RFX7: variants seen among roughly 807,000 people sequenced by gnomAD.
RFX7 encodes the protein DNA-binding protein RFX7.
Under a neutral mutation model 111.8 loss-of-function variants are expected in RFX7, and 26 were observed. That is an observed-to-expected ratio of 0.23 (90% CI 0.17 to 0.32). The LOEUF is 0.32. RFX7 is among the 10% of genes least tolerant of loss of function. The pLI is 1.00. For missense variants in RFX7, 1,573 were observed against 1,772.9 expected (o/e 0.89, Z 2.02); for synonymous variants, 624 against 624.4 (o/e 1.00, Z 0.01).
chr15:56,223,250 A>G (rs991750114), intron 2 of RFX7, among the ~76,000 whole-genome samples: 4 of 152,274 alleles, frequency 2.6e-5, no homozygotes, highest in Admixed American at 1.3e-4. Context: ...TGATCCCCAT[A>G]AAGGTTTCTG....
intron 5 of RFX7, among the ~76,000 whole-genome samples, chr15:56,105,868 T>A (rs2041823390): frequency 6.6e-6 from 1 of 151,966 alleles, no homozygotes; most frequent in African/African-American, 2.4e-5. Flanking sequence ...AAGGACAAAT[T>A]AGGAGAGGGG....
Position 56,093,321 on chromosome 15 carries a change from G to A in RFX7, c.*24C>T, listed in dbSNP as rs1233070553. On this transcript the variant is annotated 3_prime_UTR_variant, in exon 10 of 10. Transcript: ENST00000559447. ...CAATACATATGTCTTTAGATACAGT[G>A]TGCTACATGTTATAAAACACAATTT... The A allele has an allele frequency of 6.4e-7, 1 of 1,568,696 alleles. No homozygotes were observed. The highest frequency in any genetic ancestry group is 8.7e-7 in the Non-Finnish European group (1 of 1,155,166).
chr15:56,102,587 T>A (rs997066794), intron 6 of RFX7, among the ~76,000 whole-genome samples: 1 of 152,198 alleles, frequency 6.6e-6, no homozygotes, highest in African/African-American at 2.4e-5. Flanking sequence ...GATGGAAACC[T>A]GGCACAGGGA....
intron 6 of RFX7, 43 bp downstream of exon 6, chr15:56,103,511 G>A: frequency 8.1e-7 from 1 of 1,233,440 alleles, no homozygotes; most frequent in Non-Finnish European, 1.2e-6. Flanking sequence ...TATAACAAGT[G>A]AGAACACAGA....
chr15:56,179,218 C>A (rs768743863), intron 3 of RFX7, 52 bp downstream of exon 3: 2 of 830,768 alleles, frequency 2.4e-6, no homozygotes, highest in African/African-American at 1.8e-5. Flanking sequence ...TATTTTATAT[C>A]GTCATAAAAA....
chr15:56,232,318 C>A (rs2043569039), intron 2 of RFX7, among the ~76,000 whole-genome samples: 1 of 152,156 alleles, frequency 6.6e-6, no homozygotes, highest in African/African-American at 2.4e-5. Flanking sequence ...CCTCTGAAAT[C>A]TACGTAAAGA....
At chr15:56,228,036 T>G (rs1377406280) in intron 2 of RFX7, among the ~76,000 whole-genome samples, 18 of 152,142 alleles carry the variant, frequency 1.2e-4, no homozygotes, top group Non-Finnish European at 2.5e-4. Context: ...TCACTGCACT[T>G]TCTTCTTGCT....
chr15:56,116,401 G>A (rs1388199569), intron 5 of RFX7, among the ~76,000 whole-genome samples: 1 of 152,166 alleles, frequency 6.6e-6, no homozygotes, highest in Non-Finnish European at 1.5e-5. Flanking sequence ...TTGACTGGTT[G>A]CACTACAACA....
chr15:56,234,436 T>C (rs554548276), intron 2 of RFX7, among the ~76,000 whole-genome samples: 3 of 152,348 alleles, frequency 2.0e-5, no homozygotes, highest in African/African-American at 7.2e-5. Context: ...CTGCCTAAAA[T>C]GCTGCTTGCT....
chr15:56,176,317 T>C (rs1161258149), intron 3 of RFX7, among the ~76,000 whole-genome samples: 2 of 152,046 alleles, frequency 1.3e-5, no homozygotes, highest in African/African-American at 4.8e-5. Flanking sequence ...CTATGTGAGC[T>C]CAACAAAGCC....
chr15:56,242,549 A>T (rs2043709848), intron 2 of RFX7, among the ~76,000 whole-genome samples: 1 of 152,232 alleles, frequency 6.6e-6, no homozygotes, highest in Admixed American at 6.5e-5. Context: ...TTTTATACTA[A>T]AAAAGCACTT....
At chr15:56,200,585 G>A (rs775211255) in intron 2 of RFX7, among the ~76,000 whole-genome samples, 1 of 152,108 alleles carries the variant, frequency 6.6e-6, no homozygotes, top group Non-Finnish European at 1.5e-5. Flanking sequence ...CGGATCACGA[G>A]GTCAGGAGAT....
chr15:56,233,250 A>G (rs2043587975), intron 2 of RFX7, among the ~76,000 whole-genome samples: 1 of 152,240 alleles, frequency 6.6e-6, no homozygotes, highest in African/African-American at 2.4e-5. Context: ...TGAAAGGCAC[A>G]TCTTACATGG....
At chr15:56,217,663 A>G (rs372371028) in intron 2 of RFX7, among the ~76,000 whole-genome samples, 14 of 152,208 alleles carry the variant, frequency 9.2e-5, no homozygotes, top group East Asian at 5.8e-4. Flanking sequence ...ATACAACTTG[A>G]GTACTAGTTA....
intron 9 of RFX7, 134 bp from the exon 10 acceptor site, chr15:56,096,754 G>C: frequency 1.6e-5 from 14 of 883,214 alleles, no homozygotes; most frequent in South Asian, 2.1e-5. Flanking sequence ...TTAGAAGAGA[G>C]TTCTTCTAGA....
In RFX7 at chr15:56,161,812, G is replaced by T. The variant is rs961012490; in HGVS notation, c.196-17329C>A. Among the ~76,000 whole-genome samples, 4 of 152,004 alleles carry T rather than the reference G, an allele frequency of 2.6e-5. No homozygotes were observed. The East Asian group carries it at 7.7e-4, about 29-fold the overall frequency. The stretch of plus-strand genomic sequence containing the variant: ...ATACTGCTAAAACACTCATATAGTA[G>T]GAACTATGGTTCAAATAGCCAAAGG... On this transcript the variant is annotated intron_variant, in intron 3 of 9. Transcript: ENST00000559447.
intron 5 of RFX7, among the ~76,000 whole-genome samples, chr15:56,114,274 G>A (rs762566723): frequency 8.6e-5 from 13 of 151,862 alleles, no homozygotes; most frequent in Non-Finnish European, 7.4e-5. Flanking sequence ...AACTGGGCAT[G>A]GTGGTGGGCG....
chr15:56,097,011 C>G lies in RFX7; in HGVS notation c.1108-391G>C, dbSNP rs543074947. Reference sequence around the variant, plus strand: ...TAAGATGGCTCACTCATAGGGGAAACTGTCTTATAAATGTGTCTACCTTAA... The same window carrying G: ...TAAGATGGCTCACTCATAGGGGAAAGTGTCTTATAAATGTGTCTACCTTAA... On this transcript the variant is annotated intron_variant, in intron 9 of 9. Transcript: ENST00000559447. Among the ~76,000 whole-genome samples, 7 of 152,262 alleles carry G rather than the reference C, an allele frequency of 4.6e-5. No homozygotes were observed. The East Asian group carries it at 9.6e-4, about 21-fold the overall frequency.
chr15:56,107,251 C>T (rs150916448), intron 5 of RFX7, among the ~76,000 whole-genome samples: 4 of 134,330 alleles, frequency 3.0e-5, no homozygotes, highest in Non-Finnish European at 4.6e-5. Flanking sequence ...GGGCCGAGAT[C>T]GCGCCACTGC....
Sources: allele counts gnomAD v4.1 joint callset (sites outside exome capture counted in the v4.1 genomes callset), GRCh38; gene constraint gnomAD v4.1.1; transcripts MANE v1.5; gene names NCBI Gene and HGNC (gene_info 2026-07-23, HGNC 2026-07-21).